Variants in SYT1 observed in about 807,000 individuals in gnomAD.
The protein encoded by SYT1 is synaptotagmin 1, also known as synaptotagmin-1.
SYT1 carries 8 observed loss-of-function variants against 44.8 expected under a neutral mutation model. The ratio of observed to expected loss-of-function variants is 0.18; its 90% CI spans 0.10 to 0.32. The LOEUF (loss-of-function observed/expected upper bound fraction) is 0.32, where lower values mean the gene tolerates loss of function less well. SYT1 is among the 10% of genes least tolerant of loss of function. SYT1 has a pLI of 1.00. For missense variants in SYT1, 286 were observed against 509.3 expected, an observed-to-expected ratio of 0.56 and a Z score of 4.22; for synonymous variants, 154 against 188.8, an observed-to-expected ratio of 0.82 and a Z score of 1.51.
chr12:79,203,340 A>G (rs1274399685), intron 3 of SYT1, among the ~76,000 whole-genome samples: 6 of 152,146 alleles, frequency 3.9e-5, no homozygotes, highest in Admixed American at 3.3e-4. Flanking sequence ...AGATTCTCTC[A>G]TACTTACGAC....
At chr12:78,919,188 A>AT (rs995033664) in intron 1 of SYT1, among the ~76,000 whole-genome samples, 3 of 151,996 alleles carry the variant, frequency 2.0e-5, no homozygotes, top group African/African-American at 7.3e-5. Context: ...GTGTAATTAA[A>AT]TTTTTTTTAA....
At chr12:78,867,434 C>T (rs2137028960) in intron 1 of SYT1, among the ~76,000 whole-genome samples, 1 of 151,968 alleles carries the variant, frequency 6.6e-6, no homozygotes, top group Non-Finnish European at 1.5e-5. Context: ...GAACTAATTC[C>T]AATATATAGT....
intron 2 of SYT1, among the ~76,000 whole-genome samples, chr12:78,987,757 A>G (rs559827817): frequency 2.0e-4 from 30 of 152,122 alleles, no homozygotes; most frequent in Non-Finnish European, 3.7e-4. Flanking sequence ...CAACATTTAA[A>G]GAAGAGATAT....
At chr12:79,380,070 GA>G (rs1884153472) in intron 9 of SYT1, among the ~76,000 whole-genome samples, 3 of 152,064 alleles carry the variant, frequency 2.0e-5, no homozygotes, top group Admixed American at 6.6e-5. Flanking sequence ...CCTTCTTTTA[GA>G]ATTGACGTAT....
intron 8 of SYT1, among the ~76,000 whole-genome samples, chr12:79,313,658 A>G (rs1205877008): frequency 6.6e-6 from 1 of 151,950 alleles, no homozygotes. Flanking sequence ...GTCAATTAAA[A>G]ATTAATGGTG....
At chr12:79,180,114 C>A in intron 3 of SYT1, among the ~76,000 whole-genome samples, 1 of 152,188 alleles carries the variant, frequency 6.6e-6, no homozygotes, top group Admixed American at 6.6e-5. Context: ...AAGATAAATA[C>A]TTTTGTCAGA....
chr12:79,248,370 C>T (rs985481600), intron 4 of SYT1, among the ~76,000 whole-genome samples: 1 of 152,138 alleles, frequency 6.6e-6, no homozygotes, highest in Non-Finnish European at 1.5e-5. Flanking sequence ...GATGGAGAAC[C>T]TCTATTGTAC....
intron 9 of SYT1, among the ~76,000 whole-genome samples, chr12:79,411,589 G>A (rs771118449): frequency 1.3e-5 from 2 of 151,868 alleles, no homozygotes; most frequent in Non-Finnish European, 2.9e-5. Flanking sequence ...AACCTTTTGT[G>A]TTTTACTAAC....
intron 9 of SYT1, chr12:79,419,188 A>C (rs546531063): frequency 2.8e-5 from 13 of 465,770 alleles, no homozygotes; most frequent in Non-Finnish European, 5.7e-5. Flanking sequence ...AGAATTTTTA[A>C]ATTTCTACTC....
chr12:79,444,934 A>C (rs1298974807), intron 10 of SYT1, among the ~76,000 whole-genome samples: 1 of 152,154 alleles, frequency 6.6e-6, no homozygotes, highest in African/African-American at 2.4e-5. Flanking sequence ...AAGAATCTAA[A>C]GATAATATCC....
intron 2 of SYT1, among the ~76,000 whole-genome samples, chr12:79,002,083 G>T (rs1440313976): frequency 1.3e-5 from 2 of 152,042 alleles, no homozygotes; most frequent in Admixed American, 6.6e-5. Flanking sequence ...CAGTTGCATA[G>T]AAATGTTTAT....
chr12:78,925,357 A>G (rs530211601), intron 1 of SYT1, among the ~76,000 whole-genome samples: 1 of 152,078 alleles, frequency 6.6e-6, no homozygotes, highest in East Asian at 1.9e-4. Context: ...ATTTGTTCAG[A>G]GTTGTCTTCA....
chr12:79,347,335 A>G (rs1230301415), intron 8 of SYT1, among the ~76,000 whole-genome samples: 1 of 152,100 alleles, frequency 6.6e-6, no homozygotes, highest in Non-Finnish European at 1.5e-5. Flanking sequence ...TGCTCACCCA[A>G]GATGTAGGAG....
intron 1 of SYT1, among the ~76,000 whole-genome samples, chr12:78,878,452 G>A (rs1441519983): frequency 6.6e-6 from 1 of 151,758 alleles, no homozygotes; most frequent in African/African-American, 2.4e-5. Context: ...AAGAAAATTA[G>A]ACATATGAGT....
intron 9 of SYT1, among the ~76,000 whole-genome samples, chr12:79,354,742 G>A (rs774798810): frequency 2.0e-5 from 3 of 152,184 alleles, no homozygotes; most frequent in Non-Finnish European, 4.4e-5. Context: ...TTCTCTAGAA[G>A]TATAGAGTAT....
rs916578393 is a variant in SYT1 at position 79,038,071 on chromosome 12, G to C, written c.-83-9226G>C. ...CACAAAAAGCTGCAGGGATAGTACA[G>C]GTTCTCATATGCCCTCTACCTTGAC... On this transcript the variant is annotated intron_variant, in intron 2 of 10. Transcript: ENST00000261205. Among the ~76,000 whole-genome samples, 3 of 151,166 alleles carry C rather than the reference G, an allele frequency of 2.0e-5. No individual in the cohort carries two copies. The South Asian group carries it at 6.3e-4, about 32-fold the overall frequency.
chr12:79,308,344 G>A (rs112227455), intron 8 of SYT1, among the ~76,000 whole-genome samples: 1,594 of 152,056 alleles, frequency 0.01, 29 homozygotes, highest in African/African-American at 0.036. Context: ...GACCAACATG[G>A]AGAAACCCTG....
At chr12:78,952,609 A>G (rs151024136) in intron 1 of SYT1, among the ~76,000 whole-genome samples, 1 of 152,258 alleles carries the variant, frequency 6.6e-6, no homozygotes, top group East Asian at 1.9e-4. Context: ...TAATTCTGGA[A>G]TATTCCTAGA....
chr12:79,074,439 T>C (rs903101061), intron 3 of SYT1, among the ~76,000 whole-genome samples: 2 of 152,166 alleles, frequency 1.3e-5, no homozygotes, highest in African/African-American at 2.4e-5. Context: ...AATCTCTAAC[T>C]GTGTAGCTTC....
Sources: gnomAD v4.1 joint callset for allele counts (sites outside exome capture counted in the v4.1 genomes callset) on GRCh38, gnomAD v4.1.1 for gene constraint, MANE v1.5 for transcripts, NCBI Gene and HGNC (gene_info 2026-07-23, HGNC 2026-07-21) for gene names.